Variants in DSCAML1 observed in about 807,000 individuals in gnomAD.
DSCAML1 encodes the protein cell adhesion molecule DSCAML1.
Under a neutral mutation model 200.5 loss-of-function variants are expected in DSCAML1, and 38 were observed. The observed-to-expected ratio is 0.19, with a 90% CI of 0.15 to 0.25. The LOEUF (loss-of-function observed/expected upper bound fraction) is 0.25, where lower values mean the gene tolerates loss of function less well. Among genes scored for constraint, DSCAML1 ranks in the 10% least tolerant of loss-of-function variants. The pLI is 1.00. For synonymous variants in DSCAML1, 1,215 were observed against 1,165.0 expected (o/e 1.04, Z -0.87); for missense variants, 2,223 against 2,858.8 (o/e 0.78, Z 5.07).
intron 4 of DSCAML1, 67 bp downstream of exon 4, chr11:117,532,309 G>A: frequency 1.3e-6 from 2 of 1,540,236 alleles, no homozygotes; most frequent in South Asian, 1.3e-5. Flanking sequence ...GGCGTGCCAA[G>A]TTCCAGGGAT....
chr11:117,646,643 C>G, intron 3 of DSCAML1, among the ~76,000 whole-genome samples: 1 of 152,300 alleles, frequency 6.6e-6, no homozygotes, highest in East Asian at 1.9e-4. Flanking sequence ...CATTTCTTCC[C>G]AATCCCATGG....
Position 117,605,842 on chromosome 11 carries a change from T to C in DSCAML1, c.512-73320A>G, listed in dbSNP as rs143253027. On this transcript the variant is annotated intron_variant, in intron 3 of 32. Coordinates refer to ENST00000651296, the MANE Select transcript of DSCAML1 (RefSeq NM_020693.4). ...AGCCATGCCATTTTGGGTGTGGGGG[T>C]GTGGGTGGGCAGAGTCACTTAATCT... Among the ~76,000 whole-genome samples the C allele has an allele frequency of 4.1e-3, 627 of 151,628 alleles. 10 individuals carry two copies. The highest frequency in any genetic ancestry group is 0.014 in the African/African-American group (593 of 41,294).
At chr11:117,708,235 T>C (rs2053786996) in intron 3 of DSCAML1, among the ~76,000 whole-genome samples, 1 of 152,202 alleles carries the variant, frequency 6.6e-6, no homozygotes, top group Non-Finnish European at 1.5e-5. Context: ...CATCCGAAGC[T>C]ACAGCTCTGT....
At chr11:117,445,266 C>T (rs1169072965) in intron 20 of DSCAML1, among the ~76,000 whole-genome samples, 1 of 152,254 alleles carries the variant, frequency 6.6e-6, no homozygotes, top group Non-Finnish European at 1.5e-5. Flanking sequence ...GCAACACACA[C>T]ACACAGCTCC....
chr11:117,464,257 A>G (rs1274672470), intron 17 of DSCAML1, among the ~76,000 whole-genome samples: 1 of 152,116 alleles, frequency 6.6e-6, no homozygotes, highest in Non-Finnish European at 1.5e-5. Context: ...TAGGGGACAG[A>G]GGTCAGCCTG....
intron 8 of DSCAML1, among the ~76,000 whole-genome samples, chr11:117,511,958 G>A (rs535942778): frequency 8.5e-5 from 13 of 152,378 alleles, no homozygotes; most frequent in East Asian, 1.9e-4. Flanking sequence ...CATGTTGGGC[G>A]TGTGCTGCTG....
In DSCAML1 at chr11:117,687,735, G is replaced by A. The variant is rs777776002; in HGVS notation, c.511+89056C>T. Among the ~76,000 whole-genome samples, 21 of 152,290 alleles carry A rather than the reference G, an allele frequency of 1.4e-4. No individual in the cohort carries two copies. In the South Asian group the frequency reaches 2.7e-3, roughly 20 times the overall value. On this transcript the variant is annotated intron_variant, in intron 3 of 32. Coordinates refer to ENST00000651296, the MANE Select transcript of DSCAML1 (RefSeq NM_020693.4). ...AGTGAGGAAATCAGAGCTTAGAAGT[G>A]TAGTCTCTCTAGGCTTTAAGAGAAG...
At chr11:117,521,008 C>T (rs2049876036) in intron 6 of DSCAML1, 122 bp downstream of exon 6, 10 of 1,313,400 alleles carry the variant, frequency 7.6e-6, no homozygotes, top group East Asian at 7.0e-5. Flanking sequence ...GATGGTGCAC[C>T]GGCCTGGTGT....
intron 3 of DSCAML1, among the ~76,000 whole-genome samples, chr11:117,718,682 C>A (rs76350395): frequency 9.4e-6 from 1 of 106,370 alleles, no homozygotes; most frequent in African/African-American, 3.4e-5. Context: ...CCCCCCCCCC[C>A]CATCATATGA....
chr11:117,784,019 T>A (rs1179798867), intron 1 of DSCAML1, among the ~76,000 whole-genome samples: 2 of 152,162 alleles, frequency 1.3e-5, no homozygotes, highest in Admixed American at 6.5e-5. Context: ...GGACACAAGG[T>A]TCCCAGCAAC....
At chr11:117,543,757 T>G (rs1055518748) in intron 3 of DSCAML1, among the ~76,000 whole-genome samples, 5 of 152,168 alleles carry the variant, frequency 3.3e-5, no homozygotes, top group Non-Finnish European at 7.3e-5. Flanking sequence ...ACAATACTTA[T>G]GAAAGGCTGT....
chr11:117,704,505 T>C (rs556203951), intron 3 of DSCAML1, among the ~76,000 whole-genome samples: 1 of 152,248 alleles, frequency 6.6e-6, no homozygotes, highest in East Asian at 1.9e-4. Flanking sequence ...AATCTTGTAG[T>C]TGAAACTCAG....
At chr11:117,757,581 C>G (rs76732348) in intron 3 of DSCAML1, among the ~76,000 whole-genome samples, 13 of 8,254 alleles carry the variant, frequency 1.6e-3, no homozygotes, top group African/African-American at 2.0e-3. Flanking sequence ...TATACACACA[C>G]ACACACACAC....
chr11:117,632,997 G>A (rs1170823701), intron 3 of DSCAML1, among the ~76,000 whole-genome samples: 3 of 152,212 alleles, frequency 2.0e-5, no homozygotes, highest in African/African-American at 7.2e-5. Context: ...TCATACAGCT[G>A]CTTGGGAAAG....
chr11:117,698,559 C>T (rs891678372), intron 3 of DSCAML1, among the ~76,000 whole-genome samples: 2 of 152,164 alleles, frequency 1.3e-5, no homozygotes, highest in African/African-American at 4.8e-5. Context: ...CCACATCCAC[C>T]TGGGGGTTTG....
At chr11:117,522,608 G>A (rs1003080076) in intron 5 of DSCAML1, among the ~76,000 whole-genome samples, 7 of 152,198 alleles carry the variant, frequency 4.6e-5, no homozygotes, top group Non-Finnish European at 8.8e-5. Flanking sequence ...ATAAATGACC[G>A]CATGCTTGCT....
rs1049360842 is a variant in DSCAML1 at position 117,516,381 on chromosome 11, T to G, written c.1783+86A>C. 10 of 1,501,694 alleles carry G rather than the reference T, an allele frequency of 6.7e-6. No homozygotes were observed. The highest frequency in any genetic ancestry group is 9.0e-6 in the Non-Finnish European group (10 of 1,109,014). 93.0% of individuals were successfully genotyped at this position (1,501,694 alleles called of 1,614,324 possible). On this transcript the variant is annotated intron_variant, in intron 8 of 32. Transcript: ENST00000651296. This position sits in a 1 kb window ranked among gnomAD's most constrained non-coding sequence, Gnocchi z 5.7. ...CCTTCCGTTCACCCAGGATTGCCTA[T>G]TGTTGTCTGAGTCCCAGCTGGGGAA...
At chr11:117,656,788 G>A (rs1337206926) in intron 3 of DSCAML1, among the ~76,000 whole-genome samples, 1 of 152,162 alleles carries the variant, frequency 6.6e-6, no homozygotes, top group Non-Finnish European at 1.5e-5. Flanking sequence ...ACAGTGTCCA[G>A]TCCATGCCCA....
intron 3 of DSCAML1, among the ~76,000 whole-genome samples, chr11:117,705,039 G>A (rs747004491): frequency 1.1e-4 from 17 of 152,190 alleles, no homozygotes; most frequent in African/African-American, 1.4e-4. Flanking sequence ...CCCACGCCGA[G>A]GGGGGGACGT....
Sources: allele counts gnomAD v4.1 joint callset (sites outside exome capture counted in the v4.1 genomes callset), GRCh38; gene constraint gnomAD v4.1.1; non-coding constraint Gnocchi (gnomAD v3.1); transcripts MANE v1.5; gene names NCBI Gene and HGNC (gene_info 2026-07-23, HGNC 2026-07-21).